MARCHF10: variants seen among roughly 807,000 people sequenced by gnomAD.
MARCHF10 encodes the protein probable E3 ubiquitin-protein ligase MARCHF10.
In MARCHF10, 64 loss-of-function variants were observed where a neutral mutation model predicts 76.2. The observed-to-expected ratio is 0.84, with a 90% CI of 0.69 to 1.03. The LOEUF is 1.03. Ranked by LOEUF, MARCHF10 falls within the 50% of genes least tolerant of loss-of-function variation. The pLI, the probability that MARCHF10 is intolerant of heterozygous loss-of-function variation, is 0.00. For missense variants in MARCHF10, 875 were observed against 958.0 expected (o/e 0.91, Z 1.14); for synonymous variants, 340 against 357.5 (o/e 0.95, Z 0.55).
At chr17:62,746,747 A>T in intron 4 of MARCHF10, 1 of 752,482 alleles carries the variant, frequency 1.3e-6, no homozygotes, top group Non-Finnish European at 2.1e-6. Context: ...TCCTGAGGAT[A>T]AGAATTTCAC....
Position 62,738,330 on chromosome 17 carries a change from G to A in MARCHF10, c.536-998C>T, listed in dbSNP as rs921798709. On this transcript the variant is annotated intron_variant, in intron 5 of 10. Coordinates refer to ENST00000311269, the MANE Select transcript of MARCHF10 (RefSeq NM_152598.4). The surrounding 1 kb of genome is among the most constrained non-coding windows in gnomAD (Gnocchi z 4.0). ...GGCCTTCCGATTTCCTTGTGAAAAT[G>A]AGAATCCATTGAATTCATCGTGGTG... 1.3e-5 allele frequency among the ~76,000 whole-genome samples: 2 copies of A among 152,148 alleles called. No homozygotes were observed. The highest frequency in any genetic ancestry group is 6.5e-5 in the Admixed American group (1 of 15,276).
intron 1 of MARCHF10, among the ~76,000 whole-genome samples, chr17:62,802,163 C>T (rs2093085205): frequency 6.6e-6 from 1 of 152,214 alleles, no homozygotes; most frequent in Admixed American, 6.5e-5. Context: ...CATCCAGGGA[C>T]TGTGCTGGAC....
chr17:62,744,466 T>C lies in MARCHF10; in HGVS notation c.445A>G (p.Ser149Gly), dbSNP rs1264260657. Reference sequence around the variant, plus strand: ...GCTCTCGGGCTGTGCGATTCTGGGCTGACTGTAAATCTCCTCAGGTTTGGC... The same window carrying C: ...GCTCTCGGGCTGTGCGATTCTGGGCCGACTGTAAATCTCCTCAGGTTTGGC... ...RKPNLRRFTVSPESHSPRASG... is the reference protein window; with the variant it reads ...RKPNLRRFTVGPESHSPRASG... Residue 149 changes from serine (S) to glycine (G), a missense_variant, in exon 5 of 11, where the codon AGC becomes GGC. Ser to Gly is a moderately conservative substitution (Grantham distance 56). Transcript: ENST00000311269. 1 of 1,614,218 alleles carries C rather than the reference T, an allele frequency of 6.2e-7. No homozygotes were observed. The highest frequency in any genetic ancestry group is 1.3e-5 in the African/African-American group (1 of 75,072).
At position 62,759,878 on chromosome 17, in the gene MARCHF10, A is replaced by C. The variant is rs1181074959; in HGVS notation, c.339T>G (p.Thr113=). The change falls in exon 4 of 11, where the codon ACT becomes ACG. Residue 113 remains threonine, a synonymous_variant. Transcript: ENST00000311269. ...GGTCCACTTTCTCTGCTTTCCTTAC[A>C]GTCATGGTACTTTTATGTTTCTGCT... The part of the protein sequence containing the change: ...SVKQKHKSTM[T]VRKAEKVDPS... The C allele has an allele frequency of 6.2e-7, 1 of 1,614,038 alleles. No individual in the cohort carries two copies. The highest frequency in any genetic ancestry group is 2.2e-5 in the East Asian group (1 of 44,870).
At position 62,705,524 on chromosome 17, in the gene MARCHF10, G is replaced by GC. The variant is rs1252496031; in HGVS notation, c.2371+14dup. 1 of 1,614,066 alleles carries GC rather than the reference G, an allele frequency of 6.2e-7. No individual in the cohort carries two copies. The highest frequency in any genetic ancestry group is 8.5e-7 in the Non-Finnish European group (1 of 1,180,012). Reference sequence around the variant, plus strand: ...AAACACCCTCAAAATGGCAGGACTGGCCCCCAAAACCTACTTTCATTTTCC... The same window carrying GC: ...AAACACCCTCAAAATGGCAGGACTGGCCCCCCAAAACCTACTTTCATTTTCC... On this transcript the variant is annotated intron_variant, in intron 10 of 10. Coordinates refer to ENST00000311269, the MANE Select transcript of MARCHF10 (RefSeq NM_152598.4).
intron 1 of MARCHF10, chr17:62,805,088 A>G (rs753032104): frequency 6.6e-6 from 1 of 152,096 alleles, no homozygotes; most frequent in African/African-American, 2.4e-5. Context: ...CTTGGGGGCT[A>G]TTTTCTCTGG....
intron 3 of MARCHF10, among the ~76,000 whole-genome samples, chr17:62,781,874 T>C (rs1304164789): frequency 1.3e-5 from 2 of 152,320 alleles, no homozygotes; most frequent in South Asian, 4.1e-4. Context: ...ACATAGTGAC[T>C]GAATGGTGGA....
rs77432328 is a variant in MARCHF10 at position 62,727,581 on chromosome 17, G to C, written c.1938-2477C>G. Among the ~76,000 whole-genome samples the C allele has an allele frequency of 4.9e-3, 743 of 152,168 alleles. 8 individuals are homozygous for C. Among genetic ancestry groups the C allele is most frequent in the African/African-American group, 0.017 (705 of 41,504 alleles). On this transcript the variant is annotated intron_variant, in intron 6 of 10. Coordinates refer to ENST00000311269, the MANE Select transcript of MARCHF10 (RefSeq NM_152598.4). ...TGTGCACATACTGTTTTATAGAATT[G>C]AGACTGCTTTTAGGATTAGCTCAAG...
intron 4 of MARCHF10, chr17:62,746,951 T>A (rs2091727208): frequency 6.5e-7 from 1 of 1,536,010 alleles, no homozygotes; most frequent in Non-Finnish European, 8.7e-7. Flanking sequence ...TGTTTCCGGT[T>A]TATTCCACCA....
chr17:62,737,402 G>C, intron 5 of MARCHF10, 70 bp from the exon 6 acceptor site: 1 of 1,443,948 alleles, frequency 6.9e-7, no homozygotes, highest in Non-Finnish European at 9.5e-7. Context: ...CTAGCACCAA[G>C]TGCAAAATTG....
rs189217664 is a variant in MARCHF10 at position 62,761,780 on chromosome 17, C to T, written c.211-1774G>A. 3.9e-5 allele frequency among the ~76,000 whole-genome samples: 6 copies of T among 152,216 alleles called. No homozygotes were observed. The East Asian group carries it at 7.7e-4, about 20-fold the overall frequency. On this transcript the variant is annotated intron_variant, in intron 3 of 10. Coordinates refer to ENST00000311269, the MANE Select transcript of MARCHF10 (RefSeq NM_152598.4). Reference sequence around the variant, plus strand: ...TTCTCTATTCTCAGAAAAGAAAATGCGGGCACATTTTAAGTATGACACCTA... The same window carrying T: ...TTCTCTATTCTCAGAAAAGAAAATGTGGGCACATTTTAAGTATGACACCTA...
At chr17:62,770,031 C>T (rs930658342) in intron 3 of MARCHF10, among the ~76,000 whole-genome samples, 8 of 152,170 alleles carry the variant, frequency 5.3e-5, no homozygotes, top group African/African-American at 1.9e-4. Flanking sequence ...CCTTAGTGCA[C>T]TTAGTAGTCC....
At chr17:62,735,157 A>G (rs544618297) in intron 6 of MARCHF10, 2 of 152,362 alleles carry the variant, frequency 1.3e-5, no homozygotes, top group East Asian at 3.8e-4. Flanking sequence ...TAATATACAC[A>G]AAGAGGGCTC....
At chr17:62,766,758 C>A (rs1234670076) in intron 3 of MARCHF10, among the ~76,000 whole-genome samples, 2 of 152,088 alleles carry the variant, frequency 1.3e-5, no homozygotes, top group African/African-American at 2.4e-5. Flanking sequence ...ACATGGAAGT[C>A]AATTGAGATG....
intron 6 of MARCHF10, among the ~76,000 whole-genome samples, chr17:62,729,744 A>T (rs2090932327): frequency 6.6e-6 from 1 of 151,744 alleles, no homozygotes; most frequent in African/African-American, 2.4e-5. Flanking sequence ...CAGAGAACAT[A>T]TATATTTTTT....
At chr17:62,785,176 A>T (rs2092724744) in intron 3 of MARCHF10, among the ~76,000 whole-genome samples, 1 of 152,158 alleles carries the variant, frequency 6.6e-6, no homozygotes. Flanking sequence ...ACCAAAACAG[A>T]TATATAGACC....
chr17:62,753,070 T>C (rs2091942359), intron 4 of MARCHF10, among the ~76,000 whole-genome samples: 1 of 152,164 alleles, frequency 6.6e-6, no homozygotes, highest in Non-Finnish European at 1.5e-5. Context: ...ATTTGTAGCC[T>C]GACCCTAAAC....
intron 2 of MARCHF10, among the ~76,000 whole-genome samples, chr17:62,792,725 C>A (rs1029361026): frequency 4.0e-5 from 6 of 149,756 alleles, no homozygotes; most frequent in Middle Eastern, 6.8e-3. Flanking sequence ...TCACCACCAC[C>A]ACCACCATCA....
At chr17:62,796,034 TTA>T (rs2092979158) in intron 2 of MARCHF10, among the ~76,000 whole-genome samples, 1 of 151,846 alleles carries the variant, frequency 6.6e-6, no homozygotes, top group Non-Finnish European at 1.5e-5. Context: ...AGACAGAGTC[TTA>T]CTCTGTCGCT....
Sources: allele counts gnomAD v4.1 joint callset (sites outside exome capture counted in the v4.1 genomes callset), GRCh38; gene constraint gnomAD v4.1.1; non-coding constraint Gnocchi (gnomAD v3.1); transcripts MANE v1.5; gene names NCBI Gene and HGNC (gene_info 2026-07-23, HGNC 2026-07-21).